Variants in WT1 observed in about 807,000 individuals in gnomAD.
WT1 encodes the protein Wilms tumor protein.
Under a neutral mutation model 60.8 loss-of-function variants are expected in WT1, and 8 were observed. The observed-to-expected ratio is 0.13, with a 90% CI of 0.08 to 0.24. The LOEUF is 0.24. Among genes scored for constraint, WT1 ranks in the 10% least tolerant of loss-of-function variants. The pLI, the probability that WT1 is intolerant of heterozygous loss-of-function variation, is 1.00. For missense variants in WT1, 568 were observed against 711.8 expected (o/e 0.80, Z 2.30); for synonymous variants, 312 against 297.1 (o/e 1.05, Z -0.52).
At chr11:32,430,748 C>T in intron 1 of WT1, 1 of 1,339,100 alleles carries the variant, frequency 7.5e-7, no homozygotes, top group Non-Finnish European at 9.6e-7. Context: ...ACGCAGACCT[C>T]GGCGGGCAAA....
rs936643491 is a variant in WT1 at position 32,388,278 on chromosome 11, G to A, written c.*780C>T. On this transcript the variant is annotated 3_prime_UTR_variant, in exon 10 of 10. Coordinates refer to ENST00000452863, the MANE Select transcript of WT1 (RefSeq NM_024426.6). ...ATGAATTCCCCTCCATTTGTGCAAG[G>A]AGGTATGTACATCTATAAAGACACA... 10 of 233,540 alleles carry A rather than the reference G, an allele frequency of 4.3e-5. No homozygotes were observed. The highest frequency in any genetic ancestry group is 8.5e-5 in the Non-Finnish European group (10 of 118,078). The allele number at this position is 233,540 out of a possible 1,614,324, so 14.5% of individuals were successfully genotyped here.
intron 6 of WT1, among the ~76,000 whole-genome samples, chr11:32,398,302 G>C (rs1209357151): frequency 6.6e-6 from 1 of 152,154 alleles, no homozygotes; most frequent in Admixed American, 6.5e-5. Flanking sequence ...TCTGGTGAAA[G>C]TATCACTGCT....
At chr11:32,430,462 G>GT (rs1853255580) in intron 1 of WT1, 3 of 1,148,986 alleles carry the variant, frequency 2.6e-6, no homozygotes, top group African/African-American at 3.6e-5. Flanking sequence ...GAGGGAGAGA[G>GT]AGAGAGAGAG....
At chr11:32,410,510 G>C (rs1264034779) in intron 5 of WT1, among the ~76,000 whole-genome samples, 11 of 152,082 alleles carry the variant, frequency 7.2e-5, no homozygotes. Context: ...GCAATTAATA[G>C]TCTGATAAAT....
At chr11:32,391,472 A>G (rs142360028) in intron 9 of WT1, among the ~76,000 whole-genome samples, 277 of 152,332 alleles carry the variant, frequency 1.8e-3, no homozygotes, top group African/African-American at 6.3e-3. Flanking sequence ...CTGTACTAGT[A>G]TGAAGGAAAT....
At position 32,434,834 on chromosome 11, in the gene WT1, G is replaced by C; in HGVS notation, c.527C>G (p.Thr176Arg). Residue 176 changes from threonine (T) to arginine (R), a missense_variant, in exon 1 of 10, where the codon ACA becomes AGA. Thr to Arg is a moderately conservative substitution (Grantham distance 71). Coordinates refer to ENST00000452863, the MANE Select transcript of WT1 (RefSeq NM_024426.6). The stretch of plus-strand genomic sequence containing the variant: ...GGGCCCGTAGCGACAGGCTCCGGCT[G>C]TGCCAGTGAACTGGCCGGAAAAGTG... 6.2e-7 allele frequency: 1 copy of C among 1,612,476 alleles called. No individual in the cohort carries two copies. The highest frequency in any genetic ancestry group is 8.5e-7 in the Non-Finnish European group (1 of 1,179,790).
At chr11:32,396,711 G>C (rs547004602) in intron 6 of WT1, among the ~76,000 whole-genome samples, 3 of 152,204 alleles carry the variant, frequency 2.0e-5, no homozygotes, top group Non-Finnish European at 4.4e-5. Context: ...GTACCTGGAA[G>C]AGCTCCCAAT....
rs1455314009 is a variant in WT1 at position 32,435,004 on chromosome 11, C to G, written c.357G>C (p.Ser119=). 2 of 1,492,590 alleles carry G rather than the reference C, an allele frequency of 1.3e-6. No individual in the cohort carries two copies. The highest frequency in any genetic ancestry group is 1.8e-6 in the Non-Finnish European group (2 of 1,130,984). 92.5% of individuals were successfully genotyped at this position (1,492,590 alleles called of 1,614,324 possible). ...CGGGGCCGCCCAACGACCCGTAAGC[C>G]GAAGCGCCCGGGGGCGCAAAGTCCA... Residue 119 remains serine, a synonymous_variant, in exon 1 of 10, where the codon TCG becomes TCC. Coordinates refer to ENST00000452863, the MANE Select transcript of WT1 (RefSeq NM_024426.6).
At position 32,397,482 on chromosome 11, in the gene WT1, AT is replaced by A. The variant is rs34861119; in HGVS notation, c.1114-1076del. On this transcript the variant is annotated intron_variant, in intron 6 of 9. Coordinates refer to ENST00000452863, the MANE Select transcript of WT1 (RefSeq NM_024426.6). ...AGGTGAGAGTCATCATGCCCAGCTA[AT>A]TTTTTTTTTTTTTTTTGGTAGAGAT... Among the ~76,000 whole-genome samples, 944 of 139,576 alleles carry A rather than the reference AT, an allele frequency of 6.8e-3. 3 individuals carry two copies. Among genetic ancestry groups the A allele is most frequent in the African/African-American group, 7.1e-3 (268 of 37,716 alleles). 91.6% of individuals were successfully genotyped at this position (139,576 alleles called of 152,430 possible).
At chr11:32,407,289 G>C (rs138122605) in intron 5 of WT1, among the ~76,000 whole-genome samples, 39 of 152,238 alleles carry the variant, frequency 2.6e-4, no homozygotes, top group African/African-American at 9.1e-4. Context: ...CATTGCAAGA[G>C]TGGCTTCTTT....
At chr11:32,432,363 G>A (rs1000565302) in intron 1 of WT1, among the ~76,000 whole-genome samples, 1 of 152,208 alleles carries the variant, frequency 6.6e-6, no homozygotes, top group Non-Finnish European at 1.5e-5. Flanking sequence ...CATTCCTGGG[G>A]AAGCAGCAGG....
intron 1 of WT1, among the ~76,000 whole-genome samples, chr11:32,434,025 C>A (rs1474391783): frequency 6.6e-6 from 1 of 152,250 alleles, no homozygotes; most frequent in African/African-American, 2.4e-5. Context: ...CCTGCGTGGC[C>A]GCCGCCTGAG....
chr11:32,406,770 C>A (rs760561774), intron 5 of WT1, among the ~76,000 whole-genome samples: 19 of 152,102 alleles, frequency 1.2e-4, no homozygotes, highest in Non-Finnish European at 2.6e-4. Flanking sequence ...AAAAATGTAT[C>A]CTGAGAAAAT....
chr11:32,433,561 G>C (rs1853379336), intron 1 of WT1, among the ~76,000 whole-genome samples: 1 of 152,212 alleles, frequency 6.6e-6, no homozygotes, highest in South Asian at 2.1e-4. Flanking sequence ...GAGTAATTTT[G>C]CTCCAGGAAA....
chr11:32,396,080 G>A (rs1288472293), intron 7 of WT1, among the ~76,000 whole-genome samples, 177 bp downstream of exon 7: 1 of 152,146 alleles, frequency 6.6e-6, no homozygotes, highest in South Asian at 2.1e-4. Context: ...TGTAATAAAG[G>A]ATAGATAATC....
At chr11:32,430,920 C>A (rs1319988110) in intron 1 of WT1, 55 of 1,053,246 alleles carry the variant, frequency 5.2e-5, no homozygotes, top group Non-Finnish European at 5.7e-5. Context: ...GCGGAGAGTG[C>A]GGGGGCAGGG....
intron 5 of WT1, among the ~76,000 whole-genome samples, chr11:32,402,217 T>C (rs1852179082): frequency 6.6e-6 from 1 of 152,190 alleles, no homozygotes; most frequent in South Asian, 2.1e-4. Context: ...AATTTTTGAC[T>C]TATCTAGGGC....
At chr11:32,419,350 C>A (rs1226689604) in intron 3 of WT1, among the ~76,000 whole-genome samples, 2 of 152,198 alleles carry the variant, frequency 1.3e-5, no homozygotes, top group Admixed American at 6.5e-5. Flanking sequence ...ATTAATCTTA[C>A]CATTAATCTC....
chr11:32,391,897 C>T, intron 9 of WT1, 75 bp downstream of exon 9: 1 of 1,470,192 alleles, frequency 6.8e-7, no homozygotes, highest in Non-Finnish European at 9.5e-7. Context: ...CTTTTCCAAT[C>T]CCTCTCATCA....
Sources: allele counts gnomAD v4.1 joint callset (sites outside exome capture counted in the v4.1 genomes callset), GRCh38; gene constraint gnomAD v4.1.1; transcripts MANE v1.5; gene names NCBI Gene and HGNC (gene_info 2026-07-23, HGNC 2026-07-21).